Variants in DHRS11 observed in about 807,000 individuals in gnomAD.
The protein encoded by DHRS11 is dehydrogenase/reductase 11.
DHRS11 carries 18 observed loss-of-function variants against 30.7 expected under a neutral mutation model. The ratio of observed to expected loss-of-function variants is 0.59; its 90% CI spans 0.41 to 0.87. The LOEUF is 0.87. DHRS11 is among the 40% of genes least tolerant of loss of function. The pLI is 0.00. For synonymous variants in DHRS11, 123 were observed against 139.6 expected (o/e 0.88, Z 0.84); for missense variants, 300 against 349.0 (o/e 0.86, Z 1.12).
At position 36,592,284 on chromosome 17, in the gene DHRS11, C is replaced by T. The variant is rs2074773724; in HGVS notation, c.147+128C>T. On this transcript the variant is annotated intron_variant, in intron 1 of 6. Coordinates refer to ENST00000618403, the MANE Select transcript of DHRS11 (RefSeq NM_024308.4). The surrounding 1 kb of genome is among the most constrained non-coding windows in gnomAD (Gnocchi z 4.4). ...CTCTCGGATCCCTTAAGGCAGGCTT[C>T]TCCCTTCCCCTTAAGTCTCATCTTT... 1.8e-6 allele frequency: 2 copies of T among 1,128,388 alleles called. No individual in the cohort carries two copies. The highest frequency in any genetic ancestry group is 6.5e-5 in the East Asian group (2 of 30,950). The allele number at this position is 1,128,388 out of a possible 1,614,324, so 69.9% of individuals were successfully genotyped here. A position where few individuals can be genotyped will look rare whatever the true frequency, so the allele number is the denominator to read the frequency against.
Position 36,598,995 on chromosome 17 carries a change from T to A in DHRS11, c.527T>A (p.Leu176Gln). ...YSATKYAVTALTEGLRQELRE... is the reference protein window; with the variant it reads ...YSATKYAVTAQTEGLRQELRE... ...GCCACCAAGTATGCCGTCACTGCGC[T>A]GACAGAGGGACTGAGGCAAGAGCTT... Residue 176 changes from leucine to glutamine, a missense_variant, in exon 4 of 7, where the codon CTG (leucine) becomes CAG (glutamine). Transcript: ENST00000618403. 1 of 1,613,470 alleles carries A rather than the reference T, an allele frequency of 6.2e-7. No individual in the cohort carries two copies. Among genetic ancestry groups the A allele is most frequent in the Non-Finnish European group, 8.5e-7 (1 of 1,180,014 alleles).
At chr17:36,598,502 C>T (rs946466327) in intron 3 of DHRS11, 21 of 567,798 alleles carry the variant, frequency 3.7e-5, no homozygotes, top group Admixed American at 6.5e-5. Context: ...CTAAGTGCCT[C>T]GATTCCTCAG....
Position 36,600,290 on chromosome 17 carries a change from G to T in DHRS11, c.*87G>T, listed in dbSNP as rs1184103523. 5.9e-6 allele frequency: 9 copies of T among 1,532,212 alleles called. No homozygotes were observed. In the Admixed American group the frequency reaches 1.0e-4, roughly 18 times the overall value. The allele number at this position is 1,532,212 out of a possible 1,614,324, so 94.9% of individuals were successfully genotyped here. A position where few individuals can be genotyped will look rare whatever the true frequency, so the allele number is the denominator to read the frequency against. On this transcript the variant is annotated 3_prime_UTR_variant, in exon 7 of 7. Transcript: ENST00000618403. ...TTAGGTGTTGATTTCTGGATCACGG[G>T]ATACCACTTCCTGTCCACACCCCGA...
chr17:36,596,107 A>T (rs185132027), intron 2 of DHRS11, among the ~76,000 whole-genome samples: 44 of 152,082 alleles, frequency 2.9e-4, no homozygotes, highest in African/African-American at 9.9e-4. Context: ...CACTGCTCAA[A>T]TCCTGCATAG....
chr17:36,599,664 G>A lies in DHRS11; in HGVS notation c.583-7G>A. The A allele has an allele frequency of 6.2e-7, 1 of 1,614,122 alleles. No individual in the cohort carries two copies. Among genetic ancestry groups the A allele is most frequent in the Non-Finnish European group, 8.5e-7 (1 of 1,180,024 alleles). ...AGCCCCTGAGAAGGCCCTCTCTGTT[G>A]GCCCAGTGCATCTCTCCAGGTGTGG... On this transcript the variant is annotated splice_region_variant and splice_polypyrimidine_tract_variant and intron_variant, in intron 4 of 6. Transcript: ENST00000618403.
rs962950560 is a variant in DHRS11 at position 36,592,128 on chromosome 17, G to A, written c.119G>A (p.Gly40Asp). Residue 40 changes from glycine (G) to aspartate (D), a missense_variant, in exon 1 of 7, where the codon GGC (glycine) becomes GAC (aspartate). Physicochemically the swap from Gly to Asp is moderately conservative, Grantham distance 94 (BLOSUM62 -1). Transcript: ENST00000618403. The surrounding 1 kb of genome is among the most constrained non-coding windows in gnomAD (Gnocchi z 4.4). ...GTCCAGCAGGGACTGAAGGTGGTGG[G>A]CTGCGCCCGCACTGTGGGCAACATC... ...ALVQQGLKVV[G>D]CARTVGNIEE... The A allele has an allele frequency of 3.9e-6, 5 of 1,279,410 alleles. No individual in the cohort carries two copies. The South Asian group carries it at 1.0e-4, about 26-fold the overall frequency. The allele number at this position is 1,279,410 out of a possible 1,614,324, so 79.3% of individuals were successfully genotyped here.
In DHRS11 at chr17:36,598,981, T is replaced by C. The variant is rs776060583; in HGVS notation, c.513T>C (p.Tyr171=). 1 of 1,613,568 alleles carries C rather than the reference T, an allele frequency of 6.2e-7. No homozygotes were observed. The highest frequency in any genetic ancestry group is 2.2e-5 in the East Asian group (1 of 44,882). The change falls in exon 4 of 7, where the codon TAT becomes TAC. Residue 171 remains tyrosine, a synonymous_variant. Transcript: ENST00000618403. ...CCCACTTCTATAGTGCCACCAAGTA[T>C]GCCGTCACTGCGCTGACAGAGGGAC... ...SVTHFYSATK[Y]AVTALTEGLR...
At position 36,594,981 on chromosome 17, in the gene DHRS11, C is replaced by T; in HGVS notation, c.158C>T (p.Ala53Val). 6.2e-7 allele frequency: 1 copy of T among 1,614,164 alleles called. No individual in the cohort carries two copies. The highest frequency in any genetic ancestry group is 1.3e-5 in the African/African-American group (1 of 75,052). Residue 53 changes from alanine (A) to valine (V), a missense_variant, in exon 2 of 7, where the codon GCT becomes GTT. Coordinates refer to ENST00000618403, the MANE Select transcript of DHRS11 (RefSeq NM_024308.4). ...TGTTGGGTTTCATAGGAGCTGGCTG[C>T]TGAATGTAAGAGTGCAGGCTACCCC... is the stretch of plus-strand genomic sequence containing the variant. Reference protein sequence around the residue: ...RTVGNIEELAAECKSAGYPGT... With the variant: ...RTVGNIEELAVECKSAGYPGT...
Position 36,592,168 on chromosome 17 carries a change from C to G in DHRS11, c.147+12C>G, listed in dbSNP as rs776892540. On this transcript the variant is annotated intron_variant, in intron 1 of 6. Transcript: ENST00000618403. This position sits in a 1 kb window ranked among gnomAD's most constrained non-coding sequence, Gnocchi z 4.4. ...TGGGCAACATCGAGGTGAGGCCGGG[C>G]CGAGGGCGGGGACGTCGCGGGCGGG... is the stretch of plus-strand genomic sequence containing the variant. 42 of 1,275,360 alleles carry G rather than the reference C, an allele frequency of 3.3e-5. 2 individuals carry two copies. The South Asian group carries it at 9.2e-4, about 28-fold the overall frequency. 79.0% of individuals were successfully genotyped at this position (1,275,360 alleles called of 1,614,324 possible).
At chr17:36,595,251 C>T (rs1599564279) in intron 2 of DHRS11, 71 bp downstream of exon 2, 3 of 1,562,606 alleles carry the variant, frequency 1.9e-6, no homozygotes, top group Middle Eastern at 2.3e-4. Flanking sequence ...GGTTTGTGAA[C>T]CAGAGTGCTG....
Position 36,592,367 on chromosome 17 carries a change from A to ATCTCCCCACCCGCCCCTCGGG in DHRS11, c.147+220_147+240dup, listed in dbSNP as rs1328309298. Among the ~76,000 whole-genome samples, 4 of 152,150 alleles carry ATCTCCCCACCCGCCCCTCGGG rather than the reference A, an allele frequency of 2.6e-5. No individual in the cohort carries two copies. Among genetic ancestry groups the ATCTCCCCACCCGCCCCTCGGG allele is most frequent in the African/African-American group, 7.2e-5 (3 of 41,430 alleles). ...GAGTTACCGAATCTCCGACCCCGGC[A>ATCTCCCCACCCGCCCCTCGGG]TCTCCCCACCCGCCCCTCGGGTCTC... On this transcript the variant is annotated intron_variant, in intron 1 of 6. Transcript: ENST00000618403. This position sits in a 1 kb window ranked among gnomAD's most constrained non-coding sequence, Gnocchi z 4.4.
rs1307777395 is a variant in DHRS11 at position 36,600,149 on chromosome 17, G to A, written c.742-13G>A. ...GAGTGTCACAGCTGCCTCATGCCTT[G>A]TACCTTCCACAGATTGGAGACATCC... On this transcript the variant is annotated splice_polypyrimidine_tract_variant and intron_variant, in intron 6 of 6. Transcript: ENST00000618403. 1 of 1,596,366 alleles carries A rather than the reference G, an allele frequency of 6.3e-7. No individual in the cohort carries two copies. Among genetic ancestry groups the A allele is most frequent in the East Asian group, 2.3e-5 (1 of 44,198 alleles).
At chr17:36,594,630 G>A in intron 1 of DHRS11, 1 of 383,158 alleles carries the variant, frequency 2.6e-6, no homozygotes, top group Non-Finnish European at 4.8e-6. Flanking sequence ...GCCAAGGCTG[G>A]TCTCAAACTC....
Position 36,600,021 on chromosome 17 carries a change from C to G in DHRS11, c.725C>G (p.Thr242Ser), listed in dbSNP as rs754712584. ...GAGGCTGTTATCTACGTCCTCAGCA[C>G]CCCCGCACACATCCAGGTGAGTCTG... ...VAEAVIYVLSTPAHIQIGDIQ... is the reference protein window; with the variant it reads ...VAEAVIYVLSSPAHIQIGDIQ... Residue 242 changes from threonine to serine, a missense_variant, in exon 6 of 7, where the codon ACC becomes AGC. Thr to Ser is a moderately conservative substitution (Grantham distance 58, BLOSUM62 1). Transcript: ENST00000618403. The G allele has an allele frequency of 6.2e-7, 1 of 1,613,850 alleles. No homozygotes were observed. The highest frequency in any genetic ancestry group is 1.3e-5 in the African/African-American group (1 of 75,032).
At chr17:36,597,971 G>T in intron 2 of DHRS11, 192 bp from the exon 3 acceptor site, 1 of 625,808 alleles carries the variant, frequency 1.6e-6, no homozygotes. Context: ...ATCAACTGGG[G>T]GTTGCGGCTT....
At chr17:36,593,793 C>A (rs1217695358) in intron 1 of DHRS11, among the ~76,000 whole-genome samples, 1 of 152,218 alleles carries the variant, frequency 6.6e-6, no homozygotes, top group Non-Finnish European at 1.5e-5. Flanking sequence ...AGCTGGCCTT[C>A]CTCTAGGGCA....
At position 36,600,282 on chromosome 17, in the gene DHRS11, G is replaced by A; in HGVS notation, c.*79G>A. 2 of 1,561,340 alleles carry A rather than the reference G, an allele frequency of 1.3e-6. No homozygotes were observed. Among genetic ancestry groups the A allele is most frequent in the Non-Finnish European group, 1.8e-6 (2 of 1,136,242 alleles). The stretch of plus-strand genomic sequence containing the variant: ...TCTGGATTTTAGGTGTTGATTTCTG[G>A]ATCACGGGATACCACTTCCTGTCCA... On this transcript the variant is annotated 3_prime_UTR_variant, in exon 7 of 7. Transcript: ENST00000618403.
chr17:36,599,129 T>C, intron 4 of DHRS11, 79 bp downstream of exon 4: 4 of 1,527,836 alleles, frequency 2.6e-6, no homozygotes, highest in Non-Finnish European at 3.5e-6. Flanking sequence ...AGGAAGCCCA[T>C]GTTCAGAATG....
At chr17:36,599,172 A>T in intron 4 of DHRS11, 122 bp downstream of exon 4, 2 of 1,411,638 alleles carry the variant, frequency 1.4e-6, no homozygotes, top group Non-Finnish European at 1.9e-6. Context: ...TGGACTGGGC[A>T]CAGAACTGGG....
Sources: allele counts gnomAD v4.1 joint callset (sites outside exome capture counted in the v4.1 genomes callset), GRCh38; gene constraint gnomAD v4.1.1; non-coding constraint Gnocchi (gnomAD v3.1); transcripts MANE v1.5; gene names NCBI Gene and HGNC (gene_info 2026-07-23, HGNC 2026-07-21).